CACNA1C: variants seen among roughly 807,000 people sequenced by gnomAD.
CACNA1C encodes the protein calcium voltage-gated channel subunit alpha1 C.
CACNA1C carries 30 observed loss-of-function variants against 229.0 expected under a neutral mutation model. The ratio of observed to expected loss-of-function variants is 0.13; its 90% CI spans 0.10 to 0.18. The LOEUF (loss-of-function observed/expected upper bound fraction) is 0.18. Among genes scored for constraint, CACNA1C ranks in the 10% least tolerant of loss-of-function variants. The probability of loss-of-function intolerance (pLI) is 1.00; values close to 1 mark genes in which losing one functional copy is unlikely to be tolerated. For missense variants in CACNA1C, 1,658 were observed against 2,845.0 expected (o/e 0.58, Z 9.49); for synonymous variants, 1,114 against 1,132.5 (o/e 0.98, Z 0.33).
rs1288614294 is a variant in CACNA1C at position 2,543,225 on chromosome 12, A to G, written c.1391-6718A>G. On this transcript the variant is annotated intron_variant, in intron 9 of 46. Coordinates refer to ENST00000399655, the MANE Select transcript of CACNA1C (RefSeq NM_000719.7). ...GCATTCTCCTTCCCAGATCCATTCA[A>G]TAAAGCATATTGTGCCTTATAAAGG... 4.6e-5 allele frequency among the ~76,000 whole-genome samples: 7 copies of G among 152,344 alleles called. No individual in the cohort carries two copies. The East Asian group carries it at 1.4e-3, about 29-fold the overall frequency.
intron 29 of CACNA1C, among the ~76,000 whole-genome samples, chr12:2,620,801 A>G (rs951680073): frequency 6.6e-6 from 1 of 152,238 alleles, no homozygotes; most frequent in Non-Finnish European, 1.5e-5. Context: ...AAAATTGCCA[A>G]ATTCATCAAT....
chr12:2,146,753 C>T (rs1267221643), intron 3 of CACNA1C, among the ~76,000 whole-genome samples: 2 of 151,284 alleles, frequency 1.3e-5, no homozygotes, highest in Non-Finnish European at 1.5e-5. Context: ...CAACCAAACT[C>T]GCGTAGCCTT....
At chr12:2,452,868 A>G (rs561397545) in intron 4 of CACNA1C, among the ~76,000 whole-genome samples, 2 of 152,340 alleles carry the variant, frequency 1.3e-5, no homozygotes, top group Non-Finnish European at 2.9e-5. Context: ...GTTGTTTGAC[A>G]AATTTGCAAA....
rs558354068 is a variant in CACNA1C, at chr12:2,137,397, C to CA, written c.477+16977dup. Among the ~76,000 whole-genome samples, 42 of 146,432 alleles carry CA rather than the reference C, an allele frequency of 2.9e-4. 1 individual carries two copies. The highest frequency in any genetic ancestry group is 6.9e-4 in the African/African-American group (28 of 40,372). On this transcript the variant is annotated intron_variant, in intron 3 of 46. Coordinates refer to ENST00000399655, the MANE Select transcript of CACNA1C (RefSeq NM_000719.7). Reference sequence around the variant, plus strand: ...ATAGAAATGCTCCGCCCAGCTCTACCAAAAAAAAAAGTATATATATACACA... The same window carrying CA: ...ATAGAAATGCTCCGCCCAGCTCTACCAAAAAAAAAAAGTATATATATACACA...
chr12:2,365,948 A>G (rs2097708217), intron 3 of CACNA1C, among the ~76,000 whole-genome samples: 2 of 152,234 alleles, frequency 1.3e-5, no homozygotes, highest in African/African-American at 4.8e-5. Flanking sequence ...TCAGGCAGAA[A>G]AATATGAAGA....
Position 2,445,095 on chromosome 12 carries a change from C to T in CACNA1C, c.478-3881C>T, listed in dbSNP as rs58136594. On this transcript the variant is annotated intron_variant, in intron 3 of 46. Coordinates refer to ENST00000399655, the MANE Select transcript of CACNA1C (RefSeq NM_000719.7). ...TCAAATGTTTGCATAGCAGAGCTGT[C>T]CATACTTCCCATCTTCTTAGTTCAC... Among the ~76,000 whole-genome samples the T allele has an allele frequency of 1.3e-3, 196 of 152,310 alleles. 1 individual carries two copies. Among genetic ancestry groups the T allele is most frequent in the African/African-American group, 4.4e-3 (184 of 41,566 alleles).
At chr12:2,266,244 A>G (rs1436786775) in intron 3 of CACNA1C, among the ~76,000 whole-genome samples, 3 of 152,078 alleles carry the variant, frequency 2.0e-5, no homozygotes, top group Non-Finnish European at 4.4e-5. Flanking sequence ...GCCTGCTGGC[A>G]TTTGAGAATG....
chr12:2,315,159 A>G (rs902946386), intron 3 of CACNA1C, among the ~76,000 whole-genome samples: 1 of 152,180 alleles, frequency 6.6e-6, no homozygotes, highest in African/African-American at 2.4e-5. Context: ...TCTATAGCTC[A>G]TATAATTTTC....
At chr12:2,452,770 T>C (rs1010599029) in intron 4 of CACNA1C, among the ~76,000 whole-genome samples, 3 of 152,226 alleles carry the variant, frequency 2.0e-5, no homozygotes, top group African/African-American at 7.2e-5. Context: ...CTTCACCGAA[T>C]AGTATTTTGT....
In CACNA1C at chr12:2,394,488, C is replaced by T. The variant is rs60310909; in HGVS notation, c.478-54488C>T. On this transcript the variant is annotated intron_variant, in intron 3 of 46. Transcript: ENST00000399655. The stretch of plus-strand genomic sequence containing the variant: ...AAATATTTTACTTAATTATAAAATC[C>T]CCTGCTGTCTGGAGAGAATGGCCAC... 3.2e-3 allele frequency among the ~76,000 whole-genome samples: 488 copies of T among 152,242 alleles called. 1 individual carries two copies. Among genetic ancestry groups the T allele is most frequent in the African/African-American group, 0.011 (471 of 41,546 alleles).
intron 3 of CACNA1C, among the ~76,000 whole-genome samples, chr12:2,361,464 A>T (rs1045730399): frequency 2.0e-5 from 3 of 152,068 alleles, no homozygotes. Context: ...TAAGGAAAGG[A>T]TCCTTTTTTC....
intron 9 of CACNA1C, among the ~76,000 whole-genome samples, chr12:2,525,304 T>A (rs181738738): frequency 1.3e-5 from 2 of 152,030 alleles, no homozygotes; most frequent in East Asian, 3.9e-4. Context: ...AAGGCCTGAG[T>A]GGGAGTGGAC....
chr12:2,589,632 G>A (rs2064252659), intron 18 of CACNA1C, among the ~76,000 whole-genome samples: 1 of 151,996 alleles, frequency 6.6e-6, no homozygotes, highest in Admixed American at 6.6e-5. Context: ...GCCCTAGAGG[G>A]CCACCAGAAC....
chr12:2,010,886 C>G (rs772085119), intron 1 of CACNA1C: 2 of 152,114 alleles, frequency 1.3e-5, no homozygotes, highest in Non-Finnish European at 2.9e-5. Context: ...CGGTGGCTCA[C>G]GCCTGTAATC....
intron 2 of CACNA1C, among the ~76,000 whole-genome samples, chr12:2,116,364 G>A (rs112853155): frequency 0.013 from 1,920 of 151,858 alleles, 50 homozygotes; most frequent in African/African-American, 0.044. Flanking sequence ...GTAGAAATTG[G>A]GAAGGACTTT....
At chr12:2,406,569 T>C (rs550288793) in intron 3 of CACNA1C, among the ~76,000 whole-genome samples, 1 of 152,360 alleles carries the variant, frequency 6.6e-6, no homozygotes, top group South Asian at 2.1e-4. Context: ...TGAAATTTCA[T>C]TTATTGTTCT....
chr12:2,327,470 CCTGATT>C (rs1463486718), intron 3 of CACNA1C, among the ~76,000 whole-genome samples: 1 of 152,232 alleles, frequency 6.6e-6, no homozygotes, highest in Non-Finnish European at 1.5e-5. Context: ...GGGCTTTCTT[CCTGATT>C]CTGATTCTGA....
At chr12:2,569,914 T>C (rs1005218183) in intron 13 of CACNA1C, among the ~76,000 whole-genome samples, 4 of 152,156 alleles carry the variant, frequency 2.6e-5, no homozygotes, top group Middle Eastern at 3.2e-3. Flanking sequence ...CCACCAGCAA[T>C]GTATAAGGGT....
chr12:2,190,308 C>G (rs144854037), intron 3 of CACNA1C, among the ~76,000 whole-genome samples: 1 of 152,224 alleles, frequency 6.6e-6, no homozygotes, highest in Non-Finnish European at 1.5e-5. Flanking sequence ...CCAGCGTTCT[C>G]CCAGGTAAGG....
Sources: allele counts gnomAD v4.1 joint callset (sites outside exome capture counted in the v4.1 genomes callset), GRCh38; gene constraint gnomAD v4.1.1; transcripts MANE v1.5; gene names NCBI Gene and HGNC (gene_info 2026-07-23, HGNC 2026-07-21).